FLG: variants seen among roughly 807,000 people sequenced by gnomAD.
The protein encoded by FLG is epidermal filaggrin.
FLG carries 6 observed loss-of-function variants against 3.8 expected under a neutral mutation model. The ratio of observed to expected loss-of-function variants is 1.60; its 90% CI spans 0.87 to 3.15. FLG has a LOEUF of 3.15. Ranked by LOEUF, FLG falls within the 30% of genes most tolerant of loss-of-function variation. The pLI is 0.00. For synonymous variants in FLG, 2,551 were observed against 1,931.6 expected, an observed-to-expected ratio of 1.32 and a Z score of -8.41; for missense variants, 7,595 against 5,050.9, an observed-to-expected ratio of 1.50 and a Z score of -15.27.
rs1570901953 is a variant in FLG at position 152,307,890 on chromosome 1, G to A, written c.6996C>T (p.Ser2332=). 1 of 1,613,104 alleles carries A rather than the reference G, an allele frequency of 6.2e-7. No individual in the cohort carries two copies. The part of the protein sequence containing the change: ...ARSSAGERHG[S]HHQQSADSSR... ...AGCTGTCTGCTGACTGCTGGTGGTG[G>A]GATCCGTGTCTCTCTCCTGCACTTG... Residue 2332 remains serine (S), a synonymous_variant, in exon 3 of 3, where the codon TCC becomes TCT. Transcript: ENST00000368799.
chr1:152,304,802 C>T lies in FLG; in HGVS notation c.10084G>A (p.Gly3362Arg), dbSNP rs201778534. ...TQSVSGHGQA[G>R]PHQQSHQESA... ...TCTTGGTGGCTCTGCTGATGGGGCCCAGCCTGTCCATGGCCTGACACTGAC... is the reference window on the plus strand; with the variant it reads ...TCTTGGTGGCTCTGCTGATGGGGCCTAGCCTGTCCATGGCCTGACACTGAC... The change falls in exon 3 of 3, where the codon GGG becomes AGG. Residue 3362 changes from glycine to arginine, a missense_variant. Coordinates refer to ENST00000368799, the MANE Select transcript of FLG (RefSeq NM_002016.2). 6.2e-7 allele frequency: 1 copy of T among 1,613,880 alleles called. No individual in the cohort carries two copies. The highest frequency in any genetic ancestry group is 2.2e-5 in the East Asian group (1 of 44,826).
chr1:152,307,720 G>A lies in FLG; in HGVS notation c.7166C>T (p.Ala2389Val). The change falls in exon 3 of 3, where the codon GCT becomes GTT. Residue 2389 changes from alanine (A) to valine (V), a missense_variant. By Grantham distance (64) the Ala-to-Val change is moderately conservative. Transcript: ENST00000368799. ...TTGGTGGCTCTGCTGATGGGGCCCAGCCTGTCCGTGGGCTGACACTGACTG... is the reference window on the plus strand; with the variant it reads ...TTGGTGGCTCTGCTGATGGGGCCCAACCTGTCCGTGGGCTGACACTGACTG... Reference protein sequence around the residue: ...DTQSVSAHGQAGPHQQSHQES... With the variant: ...DTQSVSAHGQVGPHQQSHQES... 2 of 1,613,506 alleles carry A rather than the reference G, an allele frequency of 1.2e-6. No individual in the cohort carries two copies. The highest frequency in any genetic ancestry group is 1.1e-5 in the South Asian group (1 of 91,018).
In FLG at chr1:152,308,708, A is replaced by G. The variant is rs1257969902; in HGVS notation, c.6178T>C (p.Ser2060Pro). The change falls in exon 3 of 3, where the codon TCA (serine) becomes CCA (proline). Residue 2060 changes from serine to proline, a missense_variant. Ser to Pro is a moderately conservative substitution (Grantham distance 74). Transcript: ENST00000368799. ...TGGGGCCCAGCTTTTCCCTGTGCTG[A>G]CACTGACTGTGTGTCTGAGTCTTCT... ...HSEDSDTQSVSAQGKAGPHQQ... is the reference protein window; with the variant it reads ...HSEDSDTQSVPAQGKAGPHQQ... 8 of 1,613,898 alleles carry G rather than the reference A, an allele frequency of 5.0e-6. No individual in the cohort carries two copies. In the Admixed American group the frequency reaches 1.3e-4, roughly 27 times the overall value.
rs751587340 is a variant in FLG, at chr1:152,312,684, G to C, written c.2202C>G (p.Val734=). The change falls in exon 3 of 3, where the codon GTC becomes GTG. Residue 734 remains valine, a synonymous_variant. Coordinates refer to ENST00000368799, the MANE Select transcript of FLG (RefSeq NM_002016.2). ...TGGACCCTCGGTGTCCACTGTCTCT[G>C]ACTGCAGATGAAGCTTGTCCGTGCC... The part of the protein sequence containing the change: ...GTGHGQASSA[V]RDSGHRGSSG... 1 of 1,614,006 alleles carries C rather than the reference G, an allele frequency of 6.2e-7. No individual in the cohort carries two copies. Among genetic ancestry groups the C allele is most frequent in the Admixed American group, 1.7e-5 (1 of 60,020 alleles).
rs141947562 is a variant in FLG at position 152,302,897 on chromosome 1, C to T, written c.11989G>A (p.Gly3997Arg). Residue 3997 changes from glycine (G) to arginine (R), a missense_variant, in exon 3 of 3, where the codon GGA (glycine) becomes AGA (arginine). Physicochemically the swap from Gly to Arg is moderately radical, Grantham distance 125. Transcript: ENST00000368799. ...GESGFRHSQH[G>R]SVSYNSNPVV... ...GGATTGGAATTGTAACTAACACTTC[C>T]GTGCTGAGAGTGTCTAAACCCGGAT... 16 of 1,614,046 alleles carry T rather than the reference C, an allele frequency of 9.9e-6. No homozygotes were observed. The highest frequency in any genetic ancestry group is 5.5e-5 in the South Asian group (5 of 91,080).
At position 152,303,238 on chromosome 1, in the gene FLG, G is replaced by A; in HGVS notation, c.11648C>T (p.Ala3883Val). 6.2e-7 allele frequency: 1 copy of A among 1,614,120 alleles called. No homozygotes were observed. The highest frequency in any genetic ancestry group is 8.5e-7 in the Non-Finnish European group (1 of 1,180,036). ...PEDSERRSESASRNHHGSSRE... is the reference protein window; with the variant it reads ...PEDSERRSESVSRNHHGSSRE... ...AGAAGATCCATGATGGTTTCTGGAA[G>A]CAGACTCAGATCGCCTCTCAGAGTC... The change falls in exon 3 of 3, where the codon GCT (alanine) becomes GTT (valine). Residue 3883 changes from alanine (A) to valine (V), a missense_variant. Ala to Val is a moderately conservative substitution (Grantham distance 64, BLOSUM62 0). Coordinates refer to ENST00000368799, the MANE Select transcript of FLG (RefSeq NM_002016.2).
In FLG at chr1:152,312,173, C is replaced by T. The variant is rs142623038; in HGVS notation, c.2713G>A (p.Gly905Ser). ...TGACGTGACCCTGAGTGCCTGGAGC[C>T]GTCTCTTGATTGTTCCTCATTACGT... ...TTRNEEQSRD[G>S]SRHSGSRHHE... Residue 905 changes from glycine (G) to serine (S), a missense_variant, in exon 3 of 3, where the codon GGC becomes AGC. Physicochemically the swap from Gly to Ser is moderately conservative, Grantham distance 56 (BLOSUM62 0). Coordinates refer to ENST00000368799, the MANE Select transcript of FLG (RefSeq NM_002016.2). The T allele has an allele frequency of 4.5e-3, 7,207 of 1,613,162 alleles. 27 individuals are homozygous for T. The highest frequency in any genetic ancestry group is 5.5e-3 in the Non-Finnish European group (6,439 of 1,179,806).
At position 152,310,085 on chromosome 1, in the gene FLG, C is replaced by G. The variant is rs774105195; in HGVS notation, c.4801G>C (p.Glu1601Gln). ...GSSVSQDRDS[E>Q]GHSEDSERRS... is the part of the protein sequence containing the mutation. ...CTCTCAGAGTCTTCTGAGTGTCCCT[C>G]ACTGTCCCTGTCCTGACTAACACTG... Residue 1601 changes from glutamate to glutamine, a missense_variant, in exon 3 of 3, where the codon GAG becomes CAG. Transcript: ENST00000368799. The G allele has an allele frequency of 7.7e-5, 125 of 1,613,874 alleles. 4 individuals carry two copies. In the South Asian group the frequency reaches 1.2e-3, roughly 16 times the overall value.
chr1:152,304,916 A>G lies in FLG; in HGVS notation c.9970T>C (p.Ser3324Pro). Residue 3324 changes from serine (S) to proline (P), a missense_variant, in exon 3 of 3, where the codon TCA (serine) becomes CCA (proline). Physicochemically the swap from Ser to Pro is moderately conservative, Grantham distance 74. Transcript: ENST00000368799. Reference protein sequence around the residue: ...RHSGIPRGQASSAVRDSRHWG... With the variant: ...RHSGIPRGQAPSAVRDSRHWG... Reference sequence around the variant, plus strand: ...TGTCTACTGTCTCTGACTGCAGATGAAGCTTGTCCACGCGGAATGCCTGAG... The same window carrying G: ...TGTCTACTGTCTCTGACTGCAGATGGAGCTTGTCCACGCGGAATGCCTGAG... 1 of 1,613,494 alleles carries G rather than the reference A, an allele frequency of 6.2e-7. No individual in the cohort carries two copies. The highest frequency in any genetic ancestry group is 8.5e-7 in the Non-Finnish European group (1 of 1,179,896).
At position 152,312,524 on chromosome 1, in the gene FLG, G is replaced by A. The variant is rs183942200; in HGVS notation, c.2362C>T (p.Arg788Ter). Residue 788 changes from arginine (R) to a stop codon, truncating the protein, a stop_gained, in exon 3 of 3, where the codon CGA (arginine) becomes TGA (stop). Coordinates refer to ENST00000368799, the MANE Select transcript of FLG (RefSeq NM_002016.2). LOFTEE classifies it low-confidence loss of function (END_TRUNC). ...TGGTAGAGGAAAGACCCTGAACGTC[G>A]AGACCTTTCCCCTGACCGGTCACGT... is the stretch of plus-strand genomic sequence containing the variant. ...SARDRSGERS[R>*]RSGSFLYQVS... 249 of 1,613,102 alleles carry A rather than the reference G, an allele frequency of 1.5e-4. No homozygotes were observed. The highest frequency in any genetic ancestry group is 4.8e-4 in the Admixed American group (29 of 59,972).
At position 152,313,831 on chromosome 1, in the gene FLG, C is replaced by A. The variant is rs768149529; in HGVS notation, c.1055G>T (p.Ser352Ile). 76 of 1,614,060 alleles carry A rather than the reference C, an allele frequency of 4.7e-5. No individual in the cohort carries two copies. Among genetic ancestry groups the A allele is most frequent in the Non-Finnish European group, 6.0e-5 (71 of 1,180,030 alleles). ...DRASHGHSAD[S>I]SRQSGTRHAE... ...GTGACGAGTGCCTGATTGTCTGGAG[C>A]TGTCTGCAGAGTGCCCATGACTGGC... Residue 352 changes from serine to isoleucine, a missense_variant, in exon 3 of 3, where the codon AGC becomes ATC. Coordinates refer to ENST00000368799, the MANE Select transcript of FLG (RefSeq NM_002016.2).
chr1:152,319,039 A>G (rs572887858), intron 1 of FLG, among the ~76,000 whole-genome samples: 1 of 151,836 alleles, frequency 6.6e-6, no homozygotes, highest in South Asian at 2.1e-4. Flanking sequence ...CCAAGATGAA[A>G]ATCAGCTTGT....
At chr1:152,324,313 A>C (rs949396685) in intron 1 of FLG, among the ~76,000 whole-genome samples, 1 of 151,716 alleles carries the variant, frequency 6.6e-6, no homozygotes, top group Admixed American at 6.6e-5. Context: ...TTTTAATTCT[A>C]CTGTGCCCCT....
In FLG at chr1:152,308,497, G is replaced by C; in HGVS notation, c.6389C>G (p.Ala2130Gly). The change falls in exon 3 of 3, where the codon GCA becomes GGA. Residue 2130 changes from alanine to glycine, a missense_variant. Coordinates refer to ENST00000368799, the MANE Select transcript of FLG (RefSeq NM_002016.2). ...DQAQDSSRHS[A>G]SQEGQDTIRG... ...AATGGTGTCCTGACCCTCTTGGGAT[G>C]CTGAGTGCCTGGAGCTGTCTTGTGC... The C allele has an allele frequency of 6.2e-7, 1 of 1,613,540 alleles. No individual in the cohort carries two copies. Among genetic ancestry groups the C allele is most frequent in the South Asian group, 1.1e-5 (1 of 91,026 alleles).
intron 1 of FLG, among the ~76,000 whole-genome samples, chr1:152,321,960 C>T: frequency 6.6e-6 from 1 of 151,118 alleles, no homozygotes; most frequent in East Asian, 1.9e-4. Flanking sequence ...TTCCTAACTA[C>T]ATTTTATTCC....
chr1:152,307,475 C>A lies in FLG; in HGVS notation c.7411G>T (p.Gly2471Ter). ...TCGTAGTGGGATCCCTGCCTTCCTCCACTGCTTGACCCCGGGTGTCCATGA... is the reference window on the plus strand; with the variant it reads ...TCGTAGTGGGATCCCTGCCTTCCTCAACTGCTTGACCCCGGGTGTCCATGA... ...TIHGHPGSSS[G>*]GRQGSHYEQL... is the part of the protein sequence containing the mutation. The change falls in exon 3 of 3, where the codon GGA (glycine) becomes TGA (stop). Residue 2471 changes from glycine (G) to a stop codon, truncating the protein, a stop_gained. Transcript: ENST00000368799. LOFTEE classifies it low-confidence loss of function (END_TRUNC). 1 of 1,613,216 alleles carries A rather than the reference C, an allele frequency of 6.2e-7. No homozygotes were observed. The highest frequency in any genetic ancestry group is 8.5e-7 in the Non-Finnish European group (1 of 1,179,710).
chr1:152,322,394 A>G lies in FLG; in HGVS notation c.-22+2795T>C, dbSNP rs545546999. 3.3e-5 allele frequency among the ~76,000 whole-genome samples: 5 copies of G among 151,404 alleles called. No individual in the cohort carries two copies. In the South Asian group the frequency reaches 8.3e-4, roughly 25 times the overall value. On this transcript the variant is annotated intron_variant, in intron 1 of 2. Transcript: ENST00000368799. Reference sequence around the variant, plus strand: ...ATCCAAAAGAATGTATAGCTAAACTATTAGAATAAATAAACTAAACATGCT... The same window carrying G: ...ATCCAAAAGAATGTATAGCTAAACTGTTAGAATAAATAAACTAAACATGCT...
In FLG at chr1:152,314,300, T is replaced by C; in HGVS notation, c.586A>G (p.Asn196Asp). ...NKTENTRLGD[N>D]RKRLSERLEE... Reference sequence around the variant, plus strand: ...AGTCTTTCACTTAGCCTCTTCCTATTGTCTCCTAATCTAGTATTTTCAGTC... The same window carrying C: ...AGTCTTTCACTTAGCCTCTTCCTATCGTCTCCTAATCTAGTATTTTCAGTC... The change falls in exon 3 of 3, where the codon AAT becomes GAT. Residue 196 changes from asparagine (N) to aspartate (D), a missense_variant. Physicochemically the swap from Asn to Asp is conservative, Grantham distance 23 (BLOSUM62 1). Transcript: ENST00000368799. The C allele has an allele frequency of 6.2e-7, 1 of 1,613,674 alleles. No individual in the cohort carries two copies. Among genetic ancestry groups the C allele is most frequent in the East Asian group, 2.2e-5 (1 of 44,858 alleles).
rs766227851 is a variant in FLG, at chr1:152,307,490, G to A, written c.7396C>T (p.Pro2466Ser). The change falls in exon 3 of 3, where the codon CCG (proline) becomes TCG (serine). Residue 2466 changes from proline to serine, a missense_variant. Pro to Ser is a moderately conservative substitution (Grantham distance 74, BLOSUM62 -1). Transcript: ENST00000368799. ...QEGQDTIHGHPGSSSGGRQGS... is the reference protein window; with the variant it reads ...QEGQDTIHGHSGSSSGGRQGS... ...TGCCTTCCTCCACTGCTTGACCCCG[G>A]GTGTCCATGAATGGTGTCCTGACCC... The A allele has an allele frequency of 1.2e-6, 2 of 1,613,066 alleles. No homozygotes were observed. The highest frequency in any genetic ancestry group is 2.7e-5 in the African/African-American group (2 of 74,642).
Sources: gnomAD v4.1 joint callset for allele counts (sites outside exome capture counted in the v4.1 genomes callset) on GRCh38, gnomAD v4.1.1 for gene constraint, MANE v1.5 for transcripts, NCBI Gene and HGNC (gene_info 2026-07-23, HGNC 2026-07-21) for gene names.